Variants in CAST observed in about 807,000 individuals in gnomAD.
The protein encoded by CAST is MIR583 host.
CAST carries 76 observed loss-of-function variants against 119.6 expected under a neutral mutation model. That is an observed-to-expected ratio of 0.64 (90% confidence interval 0.53 to 0.77). The LOEUF (loss-of-function observed/expected upper bound fraction) is 0.77. Among genes scored for constraint, CAST ranks in the 30% least tolerant of loss-of-function variants. The probability of loss-of-function intolerance (pLI) is 0.00; values close to 1 mark genes in which losing one functional copy is unlikely to be tolerated. For missense variants in CAST, 953 were observed against 946.5 expected, an observed-to-expected ratio of 1.01 and a Z score of -0.09; for synonymous variants, 319 against 331.6, an observed-to-expected ratio of 0.96 and a Z score of 0.41.
intron 1 of CAST, among the ~76,000 whole-genome samples, chr5:96,535,730 A>C (rs1462735481): frequency 3.3e-5 from 5 of 151,610 alleles, no homozygotes; most frequent in South Asian, 2.1e-4. Flanking sequence ...CCCGCCACCA[A>C]GCCCGGCTAA....
chr5:96,018,894 T>C, the CAST span, among the ~76,000 whole-genome samples: 1 of 152,212 alleles, frequency 6.6e-6, no homozygotes. Context: ...CATCAAGTTT[T>C]CCATCTACAA....
At chr5:95,982,188 A>T in the CAST span, among the ~76,000 whole-genome samples, 3 of 152,118 alleles carry the variant, frequency 2.0e-5, no homozygotes, top group African/African-American at 7.2e-5. Context: ...GTAATGCAAT[A>T]TCAAAACCAA....
chr5:96,202,733 A>T, the CAST span, among the ~76,000 whole-genome samples: 2 of 152,066 alleles, frequency 1.3e-5, no homozygotes. Flanking sequence ...TTACTCATTC[A>T]GCTGCTAAAT....
the CAST span, among the ~76,000 whole-genome samples, chr5:96,413,671 G>A: frequency 7.3e-5 from 11 of 151,532 alleles, no homozygotes; most frequent in East Asian, 2.0e-4. Flanking sequence ...ATGCTGGCAC[G>A]CACCTATAAT....
the CAST span, among the ~76,000 whole-genome samples, chr5:96,380,773 G>A: frequency 7.4e-4 from 112 of 152,238 alleles, no homozygotes; most frequent in Non-Finnish European, 1.3e-3. Context: ...AAAAATTATT[G>A]TATGATGAAA....
the CAST span, among the ~76,000 whole-genome samples, chr5:96,459,686 C>A: frequency 2.6e-5 from 4 of 152,120 alleles, no homozygotes; most frequent in African/African-American, 9.7e-5. Context: ...TTCTGAGTAG[C>A]CACACATGTA....
chr5:96,702,985 C>G (rs919192574), intron 3 of CAST: 1 of 971,296 alleles, frequency 1.0e-6, no homozygotes, highest in African/African-American at 1.8e-5. Context: ...GTGCCCCCGG[C>G]TACCTGCCCT....
chr5:96,104,449 A>G, the CAST span, among the ~76,000 whole-genome samples: 2 of 152,122 alleles, frequency 1.3e-5, no homozygotes, highest in East Asian at 3.9e-4. Flanking sequence ...AGCTTTCTAC[A>G]TATGGCTAGC....
the CAST span, among the ~76,000 whole-genome samples, chr5:96,103,017 G>T: frequency 1.3e-5 from 2 of 151,840 alleles, no homozygotes; most frequent in African/African-American, 4.8e-5. Flanking sequence ...CTGATCTAAG[G>T]GTTTAGGAGA....
chr5:96,149,710 A>C, the CAST span, among the ~76,000 whole-genome samples: 6 of 152,358 alleles, frequency 3.9e-5, no homozygotes, highest in South Asian at 2.1e-4. Flanking sequence ...ATGTGTCAGC[A>C]GAACTGGCAT....
At chr5:96,672,615 A>G (rs146700533) in intron 1 of CAST, among the ~76,000 whole-genome samples, 3,488 of 151,116 alleles carry the variant, frequency 0.023, 141 homozygotes, top group African/African-American at 0.08. Flanking sequence ...GCTGAGGCAC[A>G]AGAATAGCTT....
chr5:95,981,829 C>T, the CAST span, among the ~76,000 whole-genome samples: 84 of 152,134 alleles, frequency 5.5e-4, 1 homozygote, highest in Admixed American at 2.8e-3. Flanking sequence ...GAGCCGACAT[C>T]GCACCACTGC....
the CAST span, among the ~76,000 whole-genome samples, chr5:96,339,626 C>A: frequency 3.3e-5 from 5 of 152,282 alleles, no homozygotes; most frequent in African/African-American, 1.2e-4. Context: ...GACAAGGACA[C>A]CTAACATAAA....
chr5:96,289,506 A>G, the CAST span, among the ~76,000 whole-genome samples: 1 of 152,068 alleles, frequency 6.6e-6, no homozygotes, highest in East Asian at 1.9e-4. Context: ...TAATAAGGGG[A>G]AACCCCTTTC....
chr5:96,677,075 A>C (rs1750807762), intron 2 of CAST, among the ~76,000 whole-genome samples: 1 of 151,888 alleles, frequency 6.6e-6, no homozygotes, highest in African/African-American at 2.4e-5. Context: ...AAATCCACCT[A>C]GTGTCATTTA....
chr5:96,471,180 A>G, the CAST span, among the ~76,000 whole-genome samples: 1 of 152,114 alleles, frequency 6.6e-6, no homozygotes, highest in Non-Finnish European at 1.5e-5. Flanking sequence ...CATTGAATCA[A>G]TAGCTCCCAG....
At chr5:96,770,921 A>C (rs1772075911) in intron 30 of CAST, among the ~76,000 whole-genome samples, 1 of 152,118 alleles carries the variant, frequency 6.6e-6, no homozygotes, top group African/African-American at 2.4e-5. Context: ...GAAGTTGGAA[A>C]CTTCCTATTA....
At chr5:96,108,800 A>T in the CAST span, among the ~76,000 whole-genome samples, 4 of 152,256 alleles carry the variant, frequency 2.6e-5, no homozygotes, top group Non-Finnish European at 5.9e-5. Context: ...AGCCTGGGCA[A>T]TGGCAGGCGC....
the CAST span, among the ~76,000 whole-genome samples, chr5:96,370,917 A>G: frequency 2.6e-5 from 4 of 152,172 alleles, no homozygotes; most frequent in African/African-American, 7.2e-5. Flanking sequence ...CTCCCCAACT[A>G]TGTAGACCTA....
Sources: allele counts gnomAD v4.1 joint callset (sites outside exome capture counted in the v4.1 genomes callset), GRCh38; gene constraint gnomAD v4.1.1; transcripts MANE v1.5; gene names NCBI Gene and HGNC (gene_info 2026-07-23, HGNC 2026-07-21).